Variants in LCMT1 observed in about 807,000 individuals in gnomAD.
LCMT1 encodes the protein leucine carboxyl methyltransferase 1.
LCMT1 carries 32 observed loss-of-function variants against 47.7 expected under a neutral mutation model. That is an observed-to-expected ratio of 0.67 (90% CI 0.51 to 0.90). LCMT1 has a LOEUF of 0.90. LCMT1 is among the 40% of genes least tolerant of loss of function. The pLI, the probability that LCMT1 is intolerant of heterozygous loss-of-function variation, is 0.00. For synonymous variants in LCMT1, 152 were observed against 149.7 expected, an observed-to-expected ratio of 1.02 and a Z score of -0.11; for missense variants, 375 against 415.2, an observed-to-expected ratio of 0.90 and a Z score of 0.84.
At chr16:25,161,243 T>A in intron 6 of LCMT1, 39 bp downstream of exon 6, 1 of 1,150,028 alleles carries the variant, frequency 8.7e-7, no homozygotes. Flanking sequence ...GCATTTGTGA[T>A]TTTATGCTAA....
chr16:25,167,497 A>C (rs1961622102), intron 7 of LCMT1, among the ~76,000 whole-genome samples: 1 of 151,824 alleles, frequency 6.6e-6, no homozygotes, highest in African/African-American at 2.4e-5. Flanking sequence ...TTTTTGGTAG[A>C]GACAGGGTCT....
At position 25,139,152 on chromosome 16, in the gene LCMT1, C is replaced by T. The variant is rs138246935; in HGVS notation, c.328-1019C>T. Among the ~76,000 whole-genome samples, 16 of 152,262 alleles carry T rather than the reference C, an allele frequency of 1.1e-4. No individual in the cohort carries two copies. The East Asian group carries it at 2.5e-3, about 24-fold the overall frequency. ...GTCTCGGTCTCTTGACCTTGTGATC[C>T]GCCTGCCTCAGCCTCCCAAAGTGCT... On this transcript the variant is annotated intron_variant, in intron 3 of 10. Transcript: ENST00000399069.
chr16:25,136,529 G>C (rs1448796871), intron 3 of LCMT1, among the ~76,000 whole-genome samples: 1 of 151,542 alleles, frequency 6.6e-6, no homozygotes. Context: ...TTGTTACATA[G>C]GTACACACAT....
At chr16:25,115,934 C>T (rs1959771311) in intron 1 of LCMT1, among the ~76,000 whole-genome samples, 1 of 152,124 alleles carries the variant, frequency 6.6e-6, no homozygotes, top group Admixed American at 6.6e-5. Context: ...TGCCTCAGCC[C>T]CTCAAAGTGC....
intron 5 of LCMT1, among the ~76,000 whole-genome samples, chr16:25,159,863 C>T (rs142577438): frequency 9.2e-5 from 14 of 152,118 alleles, no homozygotes; most frequent in Non-Finnish European, 1.6e-4. Context: ...GTTTCAGCTC[C>T]TGCAATGGTT....
At chr16:25,172,629 T>C (rs1961810315) in intron 9 of LCMT1, among the ~76,000 whole-genome samples, 1 of 152,278 alleles carries the variant, frequency 6.6e-6, no homozygotes, top group African/African-American at 2.4e-5. Flanking sequence ...AGAAGAATTT[T>C]GGCTTTGCTT....
intron 5 of LCMT1, among the ~76,000 whole-genome samples, chr16:25,158,018 A>G (rs79272670): frequency 0.013 from 1,932 of 152,324 alleles, 38 homozygotes; most frequent in African/African-American, 0.044. Context: ...TAAAAATACC[A>G]TTTTTACTTC....
At chr16:25,146,797 C>G (rs1029579922) in intron 4 of LCMT1, 2 of 152,228 alleles carry the variant, frequency 1.3e-5, no homozygotes, top group African/African-American at 4.8e-5. Flanking sequence ...CTCAGGGACT[C>G]GATTGAGGAA....
intron 3 of LCMT1, among the ~76,000 whole-genome samples, chr16:25,134,448 C>G (rs980094466): frequency 6.6e-6 from 1 of 152,216 alleles, no homozygotes; most frequent in Non-Finnish European, 1.5e-5. Context: ...CTTCCAGGAT[C>G]CTGCAGCCAG....
chr16:25,137,724 G>A (rs1960545206), intron 3 of LCMT1, among the ~76,000 whole-genome samples: 1 of 150,332 alleles, frequency 6.7e-6, no homozygotes, highest in South Asian at 2.1e-4. Context: ...GATTACAGGT[G>A]TGAGCCACTG....
rs1426513900 is a variant in LCMT1, at chr16:25,125,660, C to T, written c.114-2815C>T. Among the ~76,000 whole-genome samples, 8 of 151,838 alleles carry T rather than the reference C, an allele frequency of 5.3e-5. No homozygotes were observed. In the South Asian group the frequency reaches 6.2e-4, roughly 12 times the overall value. Reference sequence around the variant, plus strand: ...CCAGCTGCCCAAGGTGGTGAAACCCCGTCTCTACTAAAAATACAAAAATTA... The same window carrying T: ...CCAGCTGCCCAAGGTGGTGAAACCCTGTCTCTACTAAAAATACAAAAATTA... On this transcript the variant is annotated intron_variant, in intron 1 of 10. Coordinates refer to ENST00000399069, the MANE Select transcript of LCMT1 (RefSeq NM_016309.3).
intron 8 of LCMT1, 55 bp downstream of exon 8, chr16:25,169,268 TA>T (rs1275514157): frequency 8.6e-7 from 1 of 1,165,248 alleles, no homozygotes; most frequent in Non-Finnish European, 1.3e-6. Context: ...CCAAGATATA[TA>T]AAGGTCTTTC....
At chr16:25,139,618 G>A (rs772909550) in intron 3 of LCMT1, among the ~76,000 whole-genome samples, 2 of 152,088 alleles carry the variant, frequency 1.3e-5, no homozygotes, top group South Asian at 2.1e-4. Flanking sequence ...AATAATGCTC[G>A]TCAAAACCTA....
At chr16:25,137,159 C>T (rs541240506) in intron 3 of LCMT1, among the ~76,000 whole-genome samples, 5 of 152,214 alleles carry the variant, frequency 3.3e-5, no homozygotes, top group African/African-American at 7.2e-5. Flanking sequence ...CTCAGCCTCC[C>T]GAGTAGCTGG....
chr16:25,165,402 T>C (rs1197436284), intron 7 of LCMT1, among the ~76,000 whole-genome samples: 1 of 152,224 alleles, frequency 6.6e-6, no homozygotes, highest in African/African-American at 2.4e-5. Context: ...TATGTGAACT[T>C]AGGCAGCACA....
Position 25,161,988 on chromosome 16 carries a change from A to T in LCMT1, c.569+784A>T, listed in dbSNP as rs114872234. ...TAACAGCTGACAATATCAAGTGTTG[A>T]CAAGGATGTGGGGGATAGGGAATGA... is the stretch of plus-strand genomic sequence containing the variant. On this transcript the variant is annotated intron_variant, in intron 6 of 10. Coordinates refer to ENST00000399069, the MANE Select transcript of LCMT1 (RefSeq NM_016309.3). Among the ~76,000 whole-genome samples, 493 of 152,296 alleles carry T rather than the reference A, an allele frequency of 3.2e-3. 3 individuals are homozygous for T. The highest frequency in any genetic ancestry group is 0.011 in the African/African-American group (475 of 41,566).
intron 5 of LCMT1, among the ~76,000 whole-genome samples, chr16:25,157,495 C>T (rs1013698263): frequency 5.9e-5 from 9 of 151,906 alleles, no homozygotes; most frequent in African/African-American, 1.5e-4. Context: ...GAGCCATGAT[C>T]GTGCCACCGC....
Position 25,175,647 on chromosome 16 carries a change from T to G in LCMT1, c.982+613T>G, listed in dbSNP as rs534320944. Among the ~76,000 whole-genome samples, 89 of 151,768 alleles carry G rather than the reference T, an allele frequency of 5.9e-4. No individual in the cohort carries two copies. In the South Asian group the frequency reaches 6.7e-3, roughly 11 times the overall value. On this transcript the variant is annotated intron_variant, in intron 10 of 10. Coordinates refer to ENST00000399069, the MANE Select transcript of LCMT1 (RefSeq NM_016309.3). ...AACCCTGTCTCAAAAAATAAATAAA[T>G]AAAGAATTCCTGGCCTCAAGCAATC...
At chr16:25,170,859 T>C in intron 9 of LCMT1, 54 bp downstream of exon 9, 3 of 1,106,844 alleles carry the variant, frequency 2.7e-6, no homozygotes, top group East Asian at 2.4e-5. Context: ...ACTCAAGGCA[T>C]GATTGCCTGT....
Sources: gnomAD v4.1 joint callset for allele counts (sites outside exome capture counted in the v4.1 genomes callset) on GRCh38, gnomAD v4.1.1 for gene constraint, MANE v1.5 for transcripts, NCBI Gene and HGNC (gene_info 2026-07-23, HGNC 2026-07-21) for gene names.